Variants in ANKFN1 observed in about 807,000 individuals in gnomAD.
ANKFN1 encodes the protein ankyrin repeat and fibronectin type III domain containing 1, also known as ankyrin repeat and fibronectin type-III domain-containing protein 1.
In ANKFN1, 74 loss-of-function variants were observed where a neutral mutation model predicts 108.7. That is an observed-to-expected ratio of 0.68 (90% confidence interval 0.56 to 0.83). The LOEUF (loss-of-function observed/expected upper bound fraction) is 0.83. Ranked by LOEUF, ANKFN1 falls within the 40% of genes least tolerant of loss-of-function variation. ANKFN1 has a pLI of 0.00. For synonymous variants in ANKFN1, 547 were observed against 516.2 expected (o/e 1.06, Z -0.81); for missense variants, 1,505 against 1,382.3 (o/e 1.09, Z -1.41).
intron 4 of ANKFN1, among the ~76,000 whole-genome samples, chr17:56,134,695 A>G (rs1907492862): frequency 6.6e-6 from 1 of 152,192 alleles, no homozygotes; most frequent in Non-Finnish European, 1.5e-5. Flanking sequence ...TATAATAAAG[A>G]ATTGTAGACA....
intron 10 of ANKFN1, among the ~76,000 whole-genome samples, chr17:56,445,595 A>G (rs1255779391): frequency 6.6e-6 from 1 of 152,252 alleles, no homozygotes; most frequent in Non-Finnish European, 1.5e-5. Flanking sequence ...ACTCCTATTT[A>G]TAAACAGAGT....
At chr17:56,439,281 T>A (rs2049024857) in intron 8 of ANKFN1, among the ~76,000 whole-genome samples, 1 of 152,066 alleles carries the variant, frequency 6.6e-6, no homozygotes, top group South Asian at 2.1e-4. Flanking sequence ...TTAAGATCTA[T>A]TGCTTATCAC....
At chr17:56,146,147 A>G (rs538970357) in intron 4 of ANKFN1, among the ~76,000 whole-genome samples, 1 of 152,348 alleles carries the variant, frequency 6.6e-6, no homozygotes, top group South Asian at 2.1e-4. Context: ...CTTTGACTCC[A>G]TGTGTCACAT....
chr17:56,253,408 G>C (rs151073177), intron 3 of ANKFN1, among the ~76,000 whole-genome samples: 1 of 152,174 alleles, frequency 6.6e-6, no homozygotes, highest in Non-Finnish European at 1.5e-5. Flanking sequence ...CTGAAGGCCA[G>C]TGGGTGTACA....
chr17:56,296,075 G>T (rs1795626809), intron 3 of ANKFN1, among the ~76,000 whole-genome samples: 1 of 150,898 alleles, frequency 6.6e-6, no homozygotes, highest in African/African-American at 2.4e-5. Context: ...TTAAATTCAG[G>T]TTTTTTTTTC....
intron 20 of ANKFN1, among the ~76,000 whole-genome samples, chr17:56,500,779 A>G (rs1195018692): frequency 6.6e-6 from 1 of 152,216 alleles, no homozygotes; most frequent in Non-Finnish European, 1.5e-5. Context: ...TTTAAAAACT[A>G]TATATTTACT....
chr17:56,143,974 C>T (rs57302699), intron 4 of ANKFN1, among the ~76,000 whole-genome samples: 51,951 of 151,686 alleles, frequency 0.34, 9,640 homozygotes, highest in East Asian at 0.53. Context: ...CTTTTTCAAG[C>T]CACCAAGTGT....
At chr17:56,083,823 A>T (rs1905276967) in intron 4 of ANKFN1, among the ~76,000 whole-genome samples, 1 of 151,474 alleles carries the variant, frequency 6.6e-6, no homozygotes, top group African/African-American at 2.4e-5. Context: ...TGTGGAAGTC[A>T]CTTTTGAACT....
At chr17:56,446,616 C>T in intron 10 of ANKFN1, among the ~76,000 whole-genome samples, 1 of 152,110 alleles carries the variant, frequency 6.6e-6, no homozygotes, top group East Asian at 1.9e-4. Flanking sequence ...TCTTAAACCT[C>T]AGACAAACTA....
intron 11 of ANKFN1, among the ~76,000 whole-genome samples, chr17:56,454,234 C>T (rs565799640): frequency 1.3e-5 from 2 of 152,110 alleles, no homozygotes; most frequent in Admixed American, 1.3e-4. Flanking sequence ...GCTTTAATTG[C>T]TAAGCCTTCT....
chr17:56,092,063 A>G (rs1335390955), intron 4 of ANKFN1, among the ~76,000 whole-genome samples: 2 of 151,398 alleles, frequency 1.3e-5, no homozygotes, highest in African/African-American at 2.4e-5. Flanking sequence ...AAAAATTATC[A>G]TAAAGCATAT....
At chr17:56,287,294 C>T (rs1014814664) in intron 3 of ANKFN1, among the ~76,000 whole-genome samples, 3 of 152,142 alleles carry the variant, frequency 2.0e-5, no homozygotes, top group Admixed American at 1.3e-4. Context: ...TGAGCCCAGA[C>T]TTTGGATTGG....
At chr17:56,303,662 C>T (rs528948377) in intron 3 of ANKFN1, among the ~76,000 whole-genome samples, 124 of 152,072 alleles carry the variant, frequency 8.2e-4, no homozygotes, top group African/African-American at 2.5e-3. Flanking sequence ...AAATAATAGA[C>T]GGAGATTCCA....
At chr17:56,270,826 C>A (rs905591939) in intron 3 of ANKFN1, among the ~76,000 whole-genome samples, 1 of 152,062 alleles carries the variant, frequency 6.6e-6, no homozygotes, top group Non-Finnish European at 1.5e-5. Flanking sequence ...CTTTTTCCTG[C>A]AGTCATATGG....
At chr17:56,284,553 A>G (rs557569885) in intron 3 of ANKFN1, among the ~76,000 whole-genome samples, 1 of 152,308 alleles carries the variant, frequency 6.6e-6, no homozygotes, top group Non-Finnish European at 1.5e-5. Context: ...ACAGCTCAAA[A>G]CAATATGTGA....
chr17:56,269,280 C>T (rs2043731933), intron 3 of ANKFN1, among the ~76,000 whole-genome samples: 1 of 152,164 alleles, frequency 6.6e-6, no homozygotes, highest in African/African-American at 2.4e-5. Context: ...ACGTCTCTTC[C>T]AGATAAGGTG....
At chr17:56,097,231 C>T (rs983373988) in intron 4 of ANKFN1, among the ~76,000 whole-genome samples, 8 of 152,010 alleles carry the variant, frequency 5.3e-5, no homozygotes, top group Non-Finnish European at 8.8e-5. Flanking sequence ...TACCCTTGAA[C>T]CTAAAATAAA....
chr17:56,124,576 C>A (rs1177623662), intron 4 of ANKFN1, among the ~76,000 whole-genome samples: 1 of 152,126 alleles, frequency 6.6e-6, no homozygotes, highest in African/African-American at 2.4e-5. Context: ...CCACTCTAAC[C>A]CTCTTGTTCA....
chr17:56,123,842 A>AGG (rs1906769546), intron 4 of ANKFN1, among the ~76,000 whole-genome samples: 1 of 145,082 alleles, frequency 6.9e-6, no homozygotes. Context: ...AGAGACACAG[A>AGG]GAGAGAGAGA....
Sources: allele counts gnomAD v4.1 joint callset (sites outside exome capture counted in the v4.1 genomes callset), GRCh38; gene constraint gnomAD v4.1.1; transcripts MANE v1.5; gene names NCBI Gene and HGNC (gene_info 2026-07-23, HGNC 2026-07-21).